SGTA: variants seen among roughly 807,000 people sequenced by gnomAD.
The protein encoded by SGTA is small glutamine-rich tetratricopeptide repeat-containing protein alpha.
Under a neutral mutation model 44.3 loss-of-function variants are expected in SGTA, and 22 were observed. The ratio of observed to expected loss-of-function variants is 0.50; its 90% CI spans 0.36 to 0.71. SGTA has a LOEUF of 0.71. SGTA is among the 30% of genes least tolerant of loss of function. The probability of loss-of-function intolerance (pLI) is 0.00; values close to 1 mark genes in which losing one functional copy is unlikely to be tolerated. For missense variants in SGTA, 341 were observed against 435.9 expected (o/e 0.78, Z 1.94); for synonymous variants, 174 against 177.6 (o/e 0.98, Z 0.16).
At chr19:2,768,007 C>A (rs1019038294) in intron 2 of SGTA, among the ~76,000 whole-genome samples, 1 of 152,190 alleles carries the variant, frequency 6.6e-6, no homozygotes, top group Non-Finnish European at 1.5e-5. Context: ...GGGCTTGGCC[C>A]CACCTGGAGG....
chr19:2,763,701 C>A lies in SGTA; in HGVS notation c.449G>T (p.Arg150Leu). Reference sequence around the variant, plus strand: ...GTAGGCCGGGTCAATGCAGATGGCCCGCTCACAGTCCTGCACCGCGCCTGC... The same window carrying A: ...GTAGGCCGGGTCAATGCAGATGGCCAGCTCACAGTCCTGCACCGCGCCTGC... Reference protein sequence around the residue: ...NYAGAVQDCERAICIDPAYSK... With the variant: ...NYAGAVQDCELAICIDPAYSK... Residue 150 changes from arginine to leucine, a missense_variant, in exon 6 of 12, where the codon CGG (arginine) becomes CTG (leucine). Coordinates refer to ENST00000221566, the MANE Select transcript of SGTA (RefSeq NM_003021.4). This position sits in a 1 kb window ranked among gnomAD's most constrained non-coding sequence, Gnocchi z 5.8. 6.2e-7 allele frequency: 1 copy of A among 1,613,862 alleles called. No homozygotes were observed. The highest frequency in any genetic ancestry group is 8.5e-7 in the Non-Finnish European group (1 of 1,179,962).
rs549802309 is a variant in SGTA, at chr19:2,777,207, C to A, written c.-24+6026G>T. Among the ~76,000 whole-genome samples the A allele has an allele frequency of 1.3e-3, 190 of 150,632 alleles. 4 individuals are homozygous for A. Among genetic ancestry groups the A allele is most frequent in the African/African-American group, 4.3e-3 (175 of 40,622 alleles). ...TGGAGGTTGCCGTGAGCCAAGATCG[C>A]ACTACTGTACTCCAGCCTGGGCAAT... On this transcript the variant is annotated intron_variant, in intron 1 of 11. Transcript: ENST00000221566.
chr19:2,767,420 G>T lies in SGTA; in HGVS notation c.207+160C>A, dbSNP rs547193621. 1.6e-4 allele frequency among the ~76,000 whole-genome samples: 25 copies of T among 152,330 alleles called. No individual in the cohort carries two copies. Among genetic ancestry groups the T allele is most frequent in the African/African-American group, 6.0e-4 (25 of 41,572 alleles). ...GTGTCTCAGGACCCGCCGATAGGGGGAGGAGGGCCAAGTGCTCCTGCAGCC... is the reference window on the plus strand; with the variant it reads ...GTGTCTCAGGACCCGCCGATAGGGGTAGGAGGGCCAAGTGCTCCTGCAGCC... On this transcript the variant is annotated intron_variant, in intron 3 of 11. Transcript: ENST00000221566. This position sits in a 1 kb window ranked among gnomAD's most constrained non-coding sequence, Gnocchi z 7.3.
intron 4 of SGTA, among the ~76,000 whole-genome samples, chr19:2,766,094 T>C (rs939578578): frequency 6.6e-6 from 1 of 152,090 alleles, no homozygotes; most frequent in Non-Finnish European, 1.5e-5. Context: ...TAGGCTTCTG[T>C]AGTCCCAGCT....
chr19:2,781,283 T>C (rs2144745741), intron 1 of SGTA, among the ~76,000 whole-genome samples: 1 of 152,348 alleles, frequency 6.6e-6, no homozygotes, highest in East Asian at 1.9e-4. Context: ...GCTCAAATCC[T>C]TGGCGTGCTT....
chr19:2,771,434 A>G (rs1048928191), intron 1 of SGTA, among the ~76,000 whole-genome samples: 2 of 152,084 alleles, frequency 1.3e-5, no homozygotes, highest in Non-Finnish European at 2.9e-5. Context: ...AAAAAAAAAA[A>G]TCATGATTCC....
Position 2,765,121 on chromosome 19 carries a change from T to C in SGTA, c.392+65A>G, listed in dbSNP as rs1915101516. ...GGCCTCTCCCATCTCAGGTCCCTGC[T>C]AAGCATCCCGGAGGACGCCCCCGCA... On this transcript the variant is annotated intron_variant, in intron 5 of 11. Coordinates refer to ENST00000221566, the MANE Select transcript of SGTA (RefSeq NM_003021.4). The surrounding 1 kb of genome is among the most constrained non-coding windows in gnomAD (Gnocchi z 5.5). 3 of 1,141,804 alleles carry C rather than the reference T, an allele frequency of 2.6e-6. No individual in the cohort carries two copies. In the Admixed American group the frequency reaches 5.1e-5, roughly 20 times the overall value. 70.7% of individuals were successfully genotyped at this position (1,141,804 alleles called of 1,614,324 possible).
chr19:2,765,339 G>A lies in SGTA; in HGVS notation c.293-54C>T. The A allele has an allele frequency of 7.4e-7, 1 of 1,346,028 alleles. No homozygotes were observed. The highest frequency in any genetic ancestry group is 1.1e-6 in the Non-Finnish European group (1 of 950,018). The allele number at this position is 1,346,028 out of a possible 1,614,324, so 83.4% of individuals were successfully genotyped here. A position where few individuals can be genotyped will look rare whatever the true frequency, so the allele number is the denominator to read the frequency against. ...GGTGTCCACACAGACCGGAGGGGGT[G>A]TCAGGGAGAGAGGAAAACACCGGCC... On this transcript the variant is annotated intron_variant, in intron 4 of 11. Transcript: ENST00000221566. This position sits in a 1 kb window ranked among gnomAD's most constrained non-coding sequence, Gnocchi z 5.5.
intron 1 of SGTA, among the ~76,000 whole-genome samples, chr19:2,775,269 G>A (rs1915419246): frequency 6.6e-6 from 1 of 152,260 alleles, no homozygotes; most frequent in South Asian, 2.1e-4. Context: ...GAGGCGTTCA[G>A]TGTCTTGGTT....
chr19:2,755,842 C>G lies in SGTA; in HGVS notation c.*98G>C. ...GCAGGTCCGAGGTCTCTCTCTTCCC[C>G]TCTCTCAGGCAGTCCAACAGGAGGA... On this transcript the variant is annotated 3_prime_UTR_variant, in exon 12 of 12. Coordinates refer to ENST00000221566, the MANE Select transcript of SGTA (RefSeq NM_003021.4). The surrounding 1 kb of genome is among the most constrained non-coding windows in gnomAD (Gnocchi z 5.2). The G allele has an allele frequency of 1.0e-6, 1 of 985,564 alleles. No individual in the cohort carries two copies. The highest frequency in any genetic ancestry group is 1.2e-6 in the Non-Finnish European group (1 of 829,998). 61.1% of individuals were successfully genotyped at this position (985,564 alleles called of 1,614,324 possible).
Position 2,765,353 on chromosome 19 carries a change from A to G in SGTA, c.293-68T>C. ...CCGGAGGGGGTGTCAGGGAGAGAGG[A>G]AAACACCGGCCTGGTGTCCACACAG... On this transcript the variant is annotated intron_variant, in intron 4 of 11. Transcript: ENST00000221566. This position sits in a 1 kb window ranked among gnomAD's most constrained non-coding sequence, Gnocchi z 5.5. The G allele has an allele frequency of 8.3e-7, 1 of 1,200,554 alleles. No individual in the cohort carries two copies. 74.4% of individuals were successfully genotyped at this position (1,200,554 alleles called of 1,614,324 possible).
intron 1 of SGTA, among the ~76,000 whole-genome samples, chr19:2,772,453 C>T (rs1015961081): frequency 6.6e-6 from 1 of 152,222 alleles, no homozygotes; most frequent in Non-Finnish European, 1.5e-5. Flanking sequence ...GGGTCTCTGC[C>T]GCCAGGTCCC....
At position 2,763,477 on chromosome 19, in the gene SGTA, G is replaced by A. The variant is rs146920031; in HGVS notation, c.497+176C>T. ...CCTGATGCGGGGCGTCTGTGGGGCT[G>A]AGCCTGTGACCTGTAGGGACTACGT... On this transcript the variant is annotated intron_variant, in intron 6 of 11. Transcript: ENST00000221566. This position sits in a 1 kb window ranked among gnomAD's most constrained non-coding sequence, Gnocchi z 5.8. Among the ~76,000 whole-genome samples, 1,209 of 152,310 alleles carry A rather than the reference G, an allele frequency of 7.9e-3. 15 individuals carry two copies. Among genetic ancestry groups the A allele is most frequent in the African/African-American group, 0.028 (1,148 of 41,568 alleles).
Position 2,757,731 on chromosome 19 carries a change from G to A in SGTA, c.789C>T (p.Thr263=), listed in dbSNP as rs1914866897. The change falls in exon 10 of 12, where the codon ACC becomes ACT. Residue 263 remains threonine, a synonymous_variant. Coordinates refer to ENST00000221566, the MANE Select transcript of SGTA (RefSeq NM_003021.4). The part of the protein sequence containing the change: ...GGNNPLGTPG[T]SPSQNDLASL... ...TGGCCAGGTCGTTCTGCGAGGGGCT[G>A]GTGCCGGGAGTTCCCAAGGGGTTGT... The A allele has an allele frequency of 1.9e-6, 3 of 1,603,672 alleles. No individual in the cohort carries two copies. The highest frequency in any genetic ancestry group is 2.6e-6 in the Non-Finnish European group (3 of 1,175,604).
intron 9 of SGTA, among the ~76,000 whole-genome samples, chr19:2,758,973 G>C (rs569474003): frequency 1.3e-5 from 2 of 152,098 alleles, no homozygotes; most frequent in Non-Finnish European, 2.9e-5. Context: ...GTTGTCAGGG[G>C]ATAGGAGAGG....
Position 2,767,739 on chromosome 19 carries a change from GT to G in SGTA, c.101-54del. On this transcript the variant is annotated intron_variant, in intron 2 of 11. Coordinates refer to ENST00000221566, the MANE Select transcript of SGTA (RefSeq NM_003021.4). This position sits in a 1 kb window ranked among gnomAD's most constrained non-coding sequence, Gnocchi z 7.3. ...TCATTGCACGCAGCCCCGAGGTTAC[GT>G]TTTTGGGTCTAGAGGGCGGGGTTGG... is the stretch of plus-strand genomic sequence containing the variant. 6.9e-7 allele frequency: 1 copy of G among 1,443,780 alleles called. No individual in the cohort carries two copies. 89.4% of individuals were successfully genotyped at this position (1,443,780 alleles called of 1,614,324 possible).
chr19:2,755,360 G>A lies in SGTA; in HGVS notation c.*580C>T, dbSNP rs1045615320. 1.2e-4 allele frequency: 116 copies of A among 981,288 alleles called. No homozygotes were observed. Among genetic ancestry groups the A allele is most frequent in the South Asian group, 1.9e-4 (4 of 21,276 alleles). 60.8% of individuals were successfully genotyped at this position (981,288 alleles called of 1,614,324 possible). A position where few individuals can be genotyped will look rare whatever the true frequency, so the allele number is the denominator to read the frequency against. On this transcript the variant is annotated 3_prime_UTR_variant, in exon 12 of 12. Transcript: ENST00000221566. This position sits in a 1 kb window ranked among gnomAD's most constrained non-coding sequence, Gnocchi z 5.2. ...TGAGCCGCGGAGGCGTGGGGTGACC[G>A]CAGCCGTCTCTTAGGTGTCTGCCAC...
At chr19:2,764,554 C>T (rs1915085603) in intron 5 of SGTA, among the ~76,000 whole-genome samples, 1 of 152,038 alleles carries the variant, frequency 6.6e-6, no homozygotes, top group East Asian at 1.9e-4. Flanking sequence ...CCCACCACCA[C>T]ATCCAGCTAA....
At chr19:2,779,201 T>C (rs1915515238) in intron 1 of SGTA, among the ~76,000 whole-genome samples, 1 of 152,166 alleles carries the variant, frequency 6.6e-6, no homozygotes, top group Non-Finnish European at 1.5e-5. Flanking sequence ...CAAAATGACT[T>C]TGCTGTGAGC....
Sources: gnomAD v4.1 joint callset for allele counts (sites outside exome capture counted in the v4.1 genomes callset) on GRCh38, gnomAD v4.1.1 for gene constraint, Gnocchi (gnomAD v3.1) non-coding constraint, MANE v1.5 for transcripts, NCBI Gene and HGNC (gene_info 2026-07-23, HGNC 2026-07-21) for gene names.